COMMD1: variants seen among roughly 807,000 people sequenced by gnomAD.
COMMD1 encodes COMM domain-containing protein 1.
COMMD1 carries 10 observed loss-of-function variants against 17.2 expected under a neutral mutation model. The ratio of observed to expected loss-of-function variants is 0.58; its 90% CI spans 0.36 to 0.99. The LOEUF (loss-of-function observed/expected upper bound fraction) is 0.99. COMMD1 is among the 50% of genes least tolerant of loss of function. The pLI is 0.01. For synonymous variants in COMMD1, 97 were observed against 91.6 expected (o/e 1.06, Z -0.34); for missense variants, 270 against 231.8 (o/e 1.17, Z -1.07).
chr2:62,041,380 G>A (rs1670191029), intron 2 of COMMD1, among the ~76,000 whole-genome samples: 1 of 151,848 alleles, frequency 6.6e-6, no homozygotes, highest in African/African-American at 2.4e-5. Context: ...TTTATTAATA[G>A]AAAAGTAATC....
chr2:61,910,448 C>T (rs1210007859), intron 1 of COMMD1, among the ~76,000 whole-genome samples: 9 of 152,126 alleles, frequency 5.9e-5, no homozygotes, highest in Non-Finnish European at 7.4e-5. Context: ...GGTTTCACCA[C>T]GTTGGCCAAG....
In COMMD1 at chr2:62,089,285, T is replaced by C. The variant is rs1573169856; in HGVS notation, c.463-46546T>C. On this transcript the variant is annotated intron_variant, in intron 2 of 2. Transcript: ENST00000311832. ...TCTCTTTCTTTTCTTTCTTTCTTTT[T>C]TTTTTTTTTTTCTTTTTTTCAGTCG... 2.0e-5 allele frequency among the ~76,000 whole-genome samples: 3 copies of C among 151,534 alleles called. No individual in the cohort carries two copies. In the East Asian group the frequency reaches 5.8e-4, roughly 29 times the overall value.
Position 61,938,041 on chromosome 2 carries a change from C to T in COMMD1, c.180+32183C>T, listed in dbSNP as rs1321087974. On this transcript the variant is annotated intron_variant, in intron 1 of 2. Transcript: ENST00000311832. ...ATTTGCAGTGAAAAACAGATTGGGCCCAGTGGGATTGTTACAGGTAATTAG... is the reference window on the plus strand; with the variant it reads ...ATTTGCAGTGAAAAACAGATTGGGCTCAGTGGGATTGTTACAGGTAATTAG... Among the ~76,000 whole-genome samples, 4 of 152,014 alleles carry T rather than the reference C, an allele frequency of 2.6e-5. No homozygotes were observed. The East Asian group carries it at 7.7e-4, about 29-fold the overall frequency.
rs145123176 is a variant in COMMD1 at position 62,097,982 on chromosome 2, T to C, written c.463-37849T>C. Among the ~76,000 whole-genome samples the C allele has an allele frequency of 5.9e-3, 902 of 152,256 alleles. 12 individuals are homozygous for C. Among genetic ancestry groups the C allele is most frequent in the African/African-American group, 0.021 (859 of 41,552 alleles). ...TGCCCCCTTTGTGCAAGCACCCGTT[T>C]AAGTTTTTTGCATTCTTTTTTTAAA... On this transcript the variant is annotated intron_variant, in intron 2 of 2. Coordinates refer to ENST00000311832, the MANE Select transcript of COMMD1 (RefSeq NM_152516.4).
In COMMD1 at chr2:61,932,103, C is replaced by A. The variant is rs1480299767; in HGVS notation, c.180+26245C>A. 3.9e-5 allele frequency among the ~76,000 whole-genome samples: 6 copies of A among 152,182 alleles called. No homozygotes were observed. In the East Asian group the frequency reaches 1.2e-3, roughly 29 times the overall value. On this transcript the variant is annotated intron_variant, in intron 1 of 2. Coordinates refer to ENST00000311832, the MANE Select transcript of COMMD1 (RefSeq NM_152516.4). ...TCGATCTGCTGTCCTCAATTGACAC[C>A]CCTACATTGGCCTCCCAAAGTGCTG...
chr2:62,029,178 C>A (rs1669847599), intron 2 of COMMD1, among the ~76,000 whole-genome samples: 1 of 151,970 alleles, frequency 6.6e-6, no homozygotes, highest in African/African-American at 2.4e-5. Context: ...TTTTTAAATT[C>A]ATATTGTTTT....
chr2:62,007,296 A>G (rs1378713830), intron 2 of COMMD1, among the ~76,000 whole-genome samples: 3 of 152,134 alleles, frequency 2.0e-5, no homozygotes, highest in Non-Finnish European at 4.4e-5. Flanking sequence ...CCTGTCATTT[A>G]TAAGCAATTA....
chr2:61,906,591 A>G (rs1304149235), intron 1 of COMMD1, among the ~76,000 whole-genome samples: 1 of 151,770 alleles, frequency 6.6e-6, no homozygotes, highest in African/African-American at 2.4e-5. Flanking sequence ...AATAACCATC[A>G]TATTGGACAA....
At chr2:61,983,483 C>G (rs766109922) in intron 1 of COMMD1, among the ~76,000 whole-genome samples, 1 of 152,048 alleles carries the variant, frequency 6.6e-6, no homozygotes, top group African/African-American at 2.4e-5. Flanking sequence ...AGCCACTGCT[C>G]CCGGCCTATA....
At chr2:62,078,237 T>C (rs1671404231) in intron 2 of COMMD1, among the ~76,000 whole-genome samples, 1 of 33,982 alleles carries the variant, frequency 2.9e-5, no homozygotes, top group Non-Finnish European at 5.1e-5. Flanking sequence ...ATCACACCAA[T>C]GCAAAAAAAA....
chr2:62,061,299 T>C (rs1266502631), intron 2 of COMMD1, among the ~76,000 whole-genome samples: 1 of 152,176 alleles, frequency 6.6e-6, no homozygotes, highest in Non-Finnish European at 1.5e-5. Flanking sequence ...GCATTGTAGA[T>C]ATATGGATTC....
intron 1 of COMMD1, among the ~76,000 whole-genome samples, chr2:61,909,554 A>G (rs564493011): frequency 8.6e-4 from 131 of 152,316 alleles, no homozygotes; most frequent in Non-Finnish European, 1.4e-3. Flanking sequence ...TGATCACAAT[A>G]TGGGGGTAAC....
chr2:62,011,462 A>AT (rs1172741739), intron 2 of COMMD1, among the ~76,000 whole-genome samples: 1 of 151,574 alleles, frequency 6.6e-6, no homozygotes, highest in Admixed American at 6.6e-5. Flanking sequence ...TTACTTATTA[A>AT]TCTTGTCAGT....
chr2:62,087,016 G>T (rs1671690388), intron 2 of COMMD1, among the ~76,000 whole-genome samples: 1 of 151,978 alleles, frequency 6.6e-6, no homozygotes, highest in Non-Finnish European at 1.5e-5. Context: ...TAGAGACAGG[G>T]TTTCACCATG....
At chr2:62,064,656 T>C (rs181241725) in intron 2 of COMMD1, among the ~76,000 whole-genome samples, 2 of 152,338 alleles carry the variant, frequency 1.3e-5, no homozygotes, top group Admixed American at 1.3e-4. Context: ...CCTCAGGTAT[T>C]GTCTTCTGTC....
chr2:62,130,145 ACT>A (rs1166972295), intron 2 of COMMD1, among the ~76,000 whole-genome samples: 6 of 145,980 alleles, frequency 4.1e-5, no homozygotes, highest in Non-Finnish European at 7.5e-5. Flanking sequence ...AGTGAGCGAG[ACT>A]CTGTCTCAAA....
chr2:62,113,489 T>C (rs1482916281), intron 2 of COMMD1, among the ~76,000 whole-genome samples: 3 of 152,180 alleles, frequency 2.0e-5, no homozygotes, highest in Non-Finnish European at 4.4e-5. Context: ...GTTCAAGCGA[T>C]TCCCCTGCCC....
chr2:61,955,312 TTCTCTCTCTCTC>T (rs70946770), intron 1 of COMMD1, among the ~76,000 whole-genome samples: 5 of 145,382 alleles, frequency 3.4e-5, no homozygotes, highest in Admixed American at 1.4e-4. Context: ...CTCTCTCTCT[TTCTCTCTCTCTC>T]TCTCTCTCTC....
Position 61,905,810 on chromosome 2 carries a change from A to G in COMMD1, c.132A>G (p.Pro44=). The change falls in exon 1 of 3, where the codon CCA becomes CCG. Residue 44 remains proline (P), a synonymous_variant. Transcript: ENST00000311832. ...LLRSQLYPEV[P]PEEFRPFLAK... ...GGAGCCAGCTATATCCAGAGGTGCC[A>G]CCCGAGGAGTTCCGCCCCTTTCTGG... is the stretch of plus-strand genomic sequence containing the variant. 1 of 1,614,242 alleles carries G rather than the reference A, an allele frequency of 6.2e-7. No individual in the cohort carries two copies. The highest frequency in any genetic ancestry group is 8.5e-7 in the Non-Finnish European group (1 of 1,180,044).
Sources: allele counts gnomAD v4.1 joint callset (sites outside exome capture counted in the v4.1 genomes callset), GRCh38; gene constraint gnomAD v4.1.1; transcripts MANE v1.5; gene names NCBI Gene and HGNC (gene_info 2026-07-23, HGNC 2026-07-21).